Variants in IQCM observed in about 807,000 individuals in gnomAD.
IQCM encodes the protein IQ motif containing M.
IQCM carries 45 observed loss-of-function variants against 57.6 expected under a neutral mutation model. That is an observed-to-expected ratio of 0.78 (90% CI 0.62 to 1.00). IQCM has a LOEUF of 1.00. IQCM is among the 50% of genes least tolerant of loss of function. The probability of loss-of-function intolerance (pLI) is 0.00; values close to 1 mark genes in which losing one functional copy is unlikely to be tolerated. For missense variants in IQCM, 468 were observed against 511.6 expected (o/e 0.91, Z 0.82); for synonymous variants, 148 against 158.9 (o/e 0.93, Z 0.51).
At chr4:149,360,620 A>G (rs1435453779) in intron 13 of IQCM, among the ~76,000 whole-genome samples, 1 of 152,170 alleles carries the variant, frequency 6.6e-6, no homozygotes, top group Non-Finnish European at 1.5e-5. Flanking sequence ...ATGATATTGA[A>G]TAAGTATCAT....
At chr4:149,697,027 G>A (rs1295435884) in intron 5 of IQCM, among the ~76,000 whole-genome samples, 1 of 152,138 alleles carries the variant, frequency 6.6e-6, no homozygotes, top group Non-Finnish European at 1.5e-5. Context: ...CCATCCTAGA[G>A]AATAGAGGCC....
At chr4:149,701,268 T>G (rs77368322) in intron 5 of IQCM, among the ~76,000 whole-genome samples, 3,828 of 151,980 alleles carry the variant, frequency 0.025, 145 homozygotes, top group African/African-American at 0.087. Flanking sequence ...CAAAAATAAT[T>G]TTTTCATGTG....
In IQCM at chr4:149,354,445, A is replaced by G. The variant is rs148539955; in HGVS notation, c.1391-2379T>C. On this transcript the variant is annotated intron_variant, in intron 13 of 13. Transcript: ENST00000636793. ...CAATTATTAGTTTTCATTCCTAGTG[A>G]GATCACAGGGAAAGGCAACCACAGA... Among the ~76,000 whole-genome samples the G allele has an allele frequency of 9.3e-5, 14 of 150,550 alleles. 1 individual carries two copies. Among genetic ancestry groups the G allele is most frequent in the African/African-American group, 3.2e-4 (13 of 41,036 alleles).
intron 12 of IQCM, among the ~76,000 whole-genome samples, chr4:149,447,916 G>A (rs1202217030): frequency 6.6e-6 from 1 of 151,536 alleles, no homozygotes; most frequent in Non-Finnish European, 1.5e-5. Flanking sequence ...GAGGAACAAA[G>A]ATAGGAATTA....
intron 12 of IQCM, among the ~76,000 whole-genome samples, chr4:149,478,416 C>T (rs185397537): frequency 2.0e-5 from 3 of 152,242 alleles, no homozygotes; most frequent in Admixed American, 6.5e-5. Context: ...TGTTGGACTT[C>T]TAAATAGCAA....
chr4:149,370,153 C>T (rs537461706), intron 13 of IQCM, among the ~76,000 whole-genome samples: 1 of 152,292 alleles, frequency 6.6e-6, no homozygotes, highest in Non-Finnish European at 1.5e-5. Context: ...GTCAGCCTCC[C>T]GAAGTGTTGG....
At chr4:149,570,582 A>G (rs1305949153) in intron 9 of IQCM, among the ~76,000 whole-genome samples, 1 of 152,084 alleles carries the variant, frequency 6.6e-6, no homozygotes, top group African/African-American at 2.4e-5. Flanking sequence ...CTCAATGAAA[A>G]AACTGACAGG....
At chr4:149,499,650 T>C (rs745807829) in intron 12 of IQCM, among the ~76,000 whole-genome samples, 3 of 152,096 alleles carry the variant, frequency 2.0e-5, no homozygotes, top group African/African-American at 7.2e-5. Flanking sequence ...AACACCTATA[T>C]ACCTTATAGG....
intron 6 of IQCM, among the ~76,000 whole-genome samples, chr4:149,682,544 A>G (rs186776212): frequency 9.3e-5 from 14 of 151,250 alleles, no homozygotes; most frequent in Non-Finnish European, 1.8e-4. Context: ...ATGTTTTCCT[A>G]ACATGATTGA....
chr4:149,514,502 T>C (rs1744740323), intron 12 of IQCM: 1 of 152,198 alleles, frequency 6.6e-6, no homozygotes, highest in Admixed American at 6.6e-5. Context: ...ATCAGAGGCA[T>C]AGGATGAAAA....
chr4:149,487,293 T>C (rs970564245), intron 12 of IQCM, among the ~76,000 whole-genome samples: 5 of 152,150 alleles, frequency 3.3e-5, no homozygotes, highest in African/African-American at 1.2e-4. Flanking sequence ...GTGCCTGAGC[T>C]GGTATCCAAG....
At chr4:149,681,154 A>T (rs1356774719) in intron 7 of IQCM, among the ~76,000 whole-genome samples, 2 of 151,258 alleles carry the variant, frequency 1.3e-5, no homozygotes, top group Non-Finnish European at 3.0e-5. Flanking sequence ...ATCAGATTTC[A>T]AGAGTATTAT....
intron 13 of IQCM, among the ~76,000 whole-genome samples, chr4:149,375,117 T>C (rs1260075448): frequency 6.6e-6 from 1 of 152,062 alleles, no homozygotes; most frequent in African/African-American, 2.4e-5. Context: ...CATATTGGTA[T>C]TGAAGCACCT....
intron 13 of IQCM, among the ~76,000 whole-genome samples, chr4:149,358,178 G>C (rs1298960927): frequency 6.6e-6 from 1 of 151,860 alleles, no homozygotes; most frequent in Non-Finnish European, 1.5e-5. Flanking sequence ...CAATTTTGTT[G>C]ATCTTTTCAA....
chr4:149,388,593 TATATACAC>T (rs1206321576), intron 13 of IQCM, among the ~76,000 whole-genome samples: 1 of 97,906 alleles, frequency 1.0e-5, no homozygotes, highest in Non-Finnish European at 2.0e-5. Context: ...CATATATACA[TATATACAC>T]ATATATAGGC....
intron 7 of IQCM, among the ~76,000 whole-genome samples, chr4:149,664,573 T>C (rs770635773): frequency 2.0e-5 from 3 of 152,160 alleles, no homozygotes; most frequent in Non-Finnish European, 2.9e-5. Context: ...CTCCTCATTA[T>C]GTCTGTGATT....
chr4:149,813,126 G>T (rs1464482810), intron 2 of IQCM, among the ~76,000 whole-genome samples: 2 of 151,972 alleles, frequency 1.3e-5, no homozygotes, highest in Non-Finnish European at 2.9e-5. Context: ...CTTAGTCCTG[G>T]CATCCCCCAA....
At chr4:149,735,896 A>T (rs911515293) in intron 3 of IQCM, among the ~76,000 whole-genome samples, 2 of 152,076 alleles carry the variant, frequency 1.3e-5, no homozygotes, top group Non-Finnish European at 2.9e-5. Flanking sequence ...CAGCACTGAA[A>T]TTCAAAAACA....
intron 9 of IQCM, among the ~76,000 whole-genome samples, chr4:149,580,918 C>T (rs1752118587): frequency 6.6e-6 from 1 of 151,634 alleles, no homozygotes; most frequent in Non-Finnish European, 1.5e-5. Flanking sequence ...TATTTTATTA[C>T]TTGTGTAAGG....
Sources: gnomAD v4.1 joint callset for allele counts (sites outside exome capture counted in the v4.1 genomes callset) on GRCh38, gnomAD v4.1.1 for gene constraint, MANE v1.5 for transcripts, NCBI Gene and HGNC (gene_info 2026-07-23, HGNC 2026-07-21) for gene names.